The following PYROXD2 variants were observed in gnomAD, a reference collection of about 807,000 sequenced individuals.
PYROXD2 encodes pyridine nucleotide-disulphide oxidoreductase domain 2.
PYROXD2 carries 69 observed loss-of-function variants against 71.1 expected under a neutral mutation model. The ratio of observed to expected loss-of-function variants is 0.97; its 90% CI spans 0.80 to 1.19. The LOEUF is 1.19. Ranked by LOEUF, PYROXD2 falls within the 50% of genes most tolerant of loss-of-function variation. The probability of loss-of-function intolerance (pLI) is 0.00; values close to 1 mark genes in which losing one functional copy is unlikely to be tolerated. For synonymous variants in PYROXD2, 287 were observed against 302.7 expected, an observed-to-expected ratio of 0.95 and a Z score of 0.54; for missense variants, 745 against 748.9, an observed-to-expected ratio of 0.99 and a Z score of 0.06.
At chr10:98,406,046 C>T (rs374214108) in intron 4 of PYROXD2, among the ~76,000 whole-genome samples, 31 of 152,328 alleles carry the variant, frequency 2.0e-4, no homozygotes, top group African/African-American at 6.7e-4. Flanking sequence ...GTCCTCCTGT[C>T]AATGCCCTCC....
chr10:98,386,247 C>T (rs1448143202), intron 14 of PYROXD2, among the ~76,000 whole-genome samples: 2 of 144,934 alleles, frequency 1.4e-5, no homozygotes, highest in Admixed American at 6.9e-5. Context: ...CACTACTGCA[C>T]TCCAGCCTGG....
In PYROXD2 at chr10:98,395,406, TG is replaced by T; in HGVS notation, c.671del (p.Thr224LysfsTer17). 1 of 1,614,190 alleles carries T rather than the reference TG, an allele frequency of 6.2e-7. No homozygotes were observed. The highest frequency in any genetic ancestry group is 8.5e-7 in the Non-Finnish European group (1 of 1,179,994). On this transcript the variant is annotated frameshift_variant, in exon 7 of 16. Transcript: ENST00000370575. LOFTEE classifies it high-confidence loss of function. ...AACCACTCACCTTGGTAATGGGAGC[TG>T]TGAGGACCTCATAATATCGGGGAAG... Reference protein sequence around the residue: ...AQLPRYYEVLTAPITKVLDQW... With the variant: ...AQLPRYYEVLXAPITKVLDQW...
At chr10:98,398,256 C>A (rs908792041) in intron 5 of PYROXD2, among the ~76,000 whole-genome samples, 1 of 152,112 alleles carries the variant, frequency 6.6e-6, no homozygotes, top group East Asian at 1.9e-4. Context: ...GTCTGTAGGT[C>A]GTCTCCCATG....
rs1843226333 is a variant in PYROXD2 at position 98,397,401 on chromosome 10, C to A, written c.569G>T (p.Gly190Val). The A allele has an allele frequency of 1.2e-6, 2 of 1,613,126 alleles. No homozygotes were observed. The highest frequency in any genetic ancestry group is 1.7e-6 in the Non-Finnish European group (2 of 1,179,438). ...APVDMAAFQH[G>V]SLLQRMRSLS... ...CGACCTCATCCTTTGCAGCAAGGAGCCATGCTGGAAGGCCGCCATGTCCAC... is the reference window on the plus strand; with the variant it reads ...CGACCTCATCCTTTGCAGCAAGGAGACATGCTGGAAGGCCGCCATGTCCAC... Residue 190 changes from glycine to valine, a missense_variant, in exon 6 of 16, where the codon GGC (glycine) becomes GTC (valine). By Grantham distance (109) the Gly-to-Val change is moderately radical. Transcript: ENST00000370575.
At chr10:98,399,341 G>A (rs1261357734) in intron 5 of PYROXD2, among the ~76,000 whole-genome samples, 2 of 152,174 alleles carry the variant, frequency 1.3e-5, no homozygotes, top group African/African-American at 2.4e-5. Context: ...TTATAAAAAT[G>A]TCTCCACTGA....
At chr10:98,407,364 A>G (rs933598510) in intron 4 of PYROXD2, among the ~76,000 whole-genome samples, 1 of 152,194 alleles carries the variant, frequency 6.6e-6, no homozygotes, top group East Asian at 1.9e-4. Context: ...TGATTTTTGG[A>G]TGAAATTTCC....
intron 1 of PYROXD2, 43 bp from the exon 2 acceptor site, chr10:98,411,001 C>A (rs371128123): frequency 5.8e-5 from 90 of 1,554,624 alleles, no homozygotes; most frequent in Middle Eastern, 5.0e-4. Context: ...CACTGGTCAG[C>A]GGGCGGGCAG....
rs1185970553 is a variant in PYROXD2 at position 98,415,104 on chromosome 10, G to T, written c.32C>A (p.Ala11Asp). The T allele has an allele frequency of 6.2e-7, 1 of 1,613,796 alleles. No individual in the cohort carries two copies. The highest frequency in any genetic ancestry group is 2.2e-5 in the East Asian group (1 of 44,874). Reference protein sequence around the residue: MAASGRGLCKAVAASPFPAWR... With the variant: MAASGRGLCKDVAASPFPAWR... The stretch of plus-strand genomic sequence containing the variant: ...CGCCGGGAAGGGAGAGGCGGCCACA[G>T]CCTTGCAGAGACCTCGGCCACTTGC... Residue 11 changes from alanine (A) to aspartate (D), a missense_variant, in exon 1 of 16, where the codon GCT (alanine) becomes GAT (aspartate). By Grantham distance (126) the Ala-to-Asp change is moderately radical (BLOSUM62 -2). Transcript: ENST00000370575.
At chr10:98,411,094 G>A (rs150633284) in intron 1 of PYROXD2, 136 bp from the exon 2 acceptor site, 29 of 1,226,846 alleles carry the variant, frequency 2.4e-5, no homozygotes, top group African/African-American at 7.6e-5. Context: ...TCCCCTTCCC[G>A]CACTCAGATG....
At position 98,392,999 on chromosome 10, in the gene PYROXD2, G is replaced by C; in HGVS notation, c.870C>G (p.Leu290=). ...WGYVQGGMGA[L]SDAIASSATT... ...TGGCTGAGCTTGCGATCGCATCAGAGAGGGCACCCATGCCCCCCTGGACGT... is the reference window on the plus strand; with the variant it reads ...TGGCTGAGCTTGCGATCGCATCAGACAGGGCACCCATGCCCCCCTGGACGT... The change falls in exon 9 of 16, where the codon CTC becomes CTG. Residue 290 remains leucine, a synonymous_variant. Coordinates refer to ENST00000370575, the MANE Select transcript of PYROXD2 (RefSeq NM_032709.3). 6.2e-7 allele frequency: 1 copy of C among 1,613,724 alleles called. No homozygotes were observed. Among genetic ancestry groups the C allele is most frequent in the Non-Finnish European group, 8.5e-7 (1 of 1,179,740 alleles).
chr10:98,388,542 G>A (rs1302820874), intron 12 of PYROXD2, 34 bp from the exon 13 acceptor site: 2 of 1,529,472 alleles, frequency 1.3e-6, no homozygotes, highest in African/African-American at 2.8e-5. Context: ...CAGGTCTAAA[G>A]AGCAGCAGTG....
chr10:98,414,990 G>T lies in PYROXD2; in HGVS notation c.127+19C>A, dbSNP rs1464161280. 6.2e-7 allele frequency: 1 copy of T among 1,610,800 alleles called. No individual in the cohort carries two copies. Among genetic ancestry groups the T allele is most frequent in the Non-Finnish European group, 8.5e-7 (1 of 1,178,246 alleles). On this transcript the variant is annotated intron_variant, in intron 1 of 15. Coordinates refer to ENST00000370575, the MANE Select transcript of PYROXD2 (RefSeq NM_032709.3). ...CTTCCCGCCCCTCAGCTCTGGCCCGGCCTGCTTTACCACTTTACCTGCTCC... is the reference window on the plus strand; with the variant it reads ...CTTCCCGCCCCTCAGCTCTGGCCCGTCCTGCTTTACCACTTTACCTGCTCC...
chr10:98,390,461 G>T, intron 12 of PYROXD2, 137 bp downstream of exon 12: 1 of 1,006,978 alleles, frequency 9.9e-7, no homozygotes, highest in Non-Finnish European at 1.4e-6. Context: ...GTCCTTAGGA[G>T]TATGGATTTT....
In PYROXD2 at chr10:98,385,045, G is replaced by C; in HGVS notation, c.1577C>G (p.Ser526Cys). The C allele has an allele frequency of 6.2e-7, 1 of 1,613,928 alleles. No homozygotes were observed. Among genetic ancestry groups the C allele is most frequent in the Non-Finnish European group, 8.5e-7 (1 of 1,179,920 alleles). The change falls in exon 15 of 16, where the codon TCC becomes TGC. Residue 526 changes from serine to cysteine, a missense_variant. Ser to Cys is a moderately radical substitution (Grantham distance 112). Coordinates refer to ENST00000370575, the MANE Select transcript of PYROXD2 (RefSeq NM_032709.3). ...GCGGGCGAAGTAGAGCTGGTCCAGG[G>C]ACATGGCGCAGTGGAATATGTTCTG... ...PGGNIFHCAM[S>C]LDQLYFARPV...
At chr10:98,394,561 CA>C (rs1843085572) in intron 8 of PYROXD2, among the ~76,000 whole-genome samples, 2 of 152,002 alleles carry the variant, frequency 1.3e-5, no homozygotes, top group African/African-American at 2.4e-5. Flanking sequence ...CACACACACA[CA>C]CACACACACA....
chr10:98,383,986 G>A (rs571759139), intron 15 of PYROXD2, 118 bp from the exon 16 acceptor site: 613 of 839,154 alleles, frequency 7.3e-4, no homozygotes, highest in Non-Finnish European at 1.1e-3. Context: ...AGAGGGGTCC[G>A]GGGGCATGGG....
chr10:98,412,682 G>C (rs867040244), intron 1 of PYROXD2, among the ~76,000 whole-genome samples: 7 of 152,186 alleles, frequency 4.6e-5, no homozygotes, highest in Admixed American at 3.3e-4. Context: ...ATGCCGTTCT[G>C]TTCCTCACTG....
intron 6 of PYROXD2, among the ~76,000 whole-genome samples, chr10:98,396,264 A>C (rs1301741875): frequency 1.3e-5 from 2 of 152,168 alleles, no homozygotes; most frequent in Non-Finnish European, 2.9e-5. Flanking sequence ...AGGCCTGTAC[A>C]TTGGGGCATG....
chr10:98,412,634 T>C (rs1176948185), intron 1 of PYROXD2, among the ~76,000 whole-genome samples: 1 of 152,214 alleles, frequency 6.6e-6, no homozygotes, highest in Non-Finnish European at 1.5e-5. Context: ...GGTGCCAGTG[T>C]GCCTTCAGGG....
Sources: gnomAD v4.1 joint callset for allele counts (sites outside exome capture counted in the v4.1 genomes callset) on GRCh38, gnomAD v4.1.1 for gene constraint, MANE v1.5 for transcripts, NCBI Gene and HGNC (gene_info 2026-07-23, HGNC 2026-07-21) for gene names.